The following KALRN variants were observed in gnomAD, a reference collection of about 807,000 sequenced individuals.
KALRN encodes kalirin RhoGEF kinase, also known as kalirin.
In KALRN, 70 loss-of-function variants were observed where a neutral mutation model predicts 353.7. That is an observed-to-expected ratio of 0.20 (90% CI 0.16 to 0.24). The LOEUF is 0.24. KALRN is among the 10% of genes least tolerant of loss of function. KALRN has a pLI of 1.00. For missense variants in KALRN, 2,791 were observed against 3,756.7 expected, an observed-to-expected ratio of 0.74 and a Z score of 6.72; for synonymous variants, 1,391 against 1,434.8, an observed-to-expected ratio of 0.97 and a Z score of 0.69.
At chr3:124,183,825 A>G (rs2073906442) in intron 1 of KALRN, among the ~76,000 whole-genome samples, 1 of 152,234 alleles carries the variant, frequency 6.6e-6, no homozygotes, top group South Asian at 2.1e-4. Flanking sequence ...TAAAGTGTTC[A>G]TTAATCTTGT....
At chr3:124,451,321 T>A (rs1038654710) in intron 21 of KALRN, among the ~76,000 whole-genome samples, 1 of 151,950 alleles carries the variant, frequency 6.6e-6, no homozygotes, top group Non-Finnish European at 1.5e-5. Context: ...ATAGAATTAC[T>A]GAACCCCTCT....
chr3:124,081,266 A>G (rs1475360176), intron 1 of KALRN, among the ~76,000 whole-genome samples: 1 of 152,164 alleles, frequency 6.6e-6, no homozygotes, highest in Non-Finnish European at 1.5e-5. Flanking sequence ...GTGTTTATGT[A>G]CCTCCATGCA....
intron 33 of KALRN, among the ~76,000 whole-genome samples, chr3:124,551,876 G>A (rs935386087): frequency 1.3e-5 from 2 of 152,224 alleles, no homozygotes; most frequent in African/African-American, 4.8e-5. Flanking sequence ...CAGCTGGCTG[G>A]TGAAGAAGAA....
intron 1 of KALRN, among the ~76,000 whole-genome samples, chr3:124,044,992 A>G (rs984326140): frequency 2.4e-4 from 36 of 150,820 alleles, no homozygotes; most frequent in African/African-American, 8.3e-4. Context: ...TGCAGTTACA[A>G]TTATTCCAAG....
At chr3:124,155,971 G>T (rs182337365) in intron 1 of KALRN, among the ~76,000 whole-genome samples, 5 of 152,316 alleles carry the variant, frequency 3.3e-5, no homozygotes, top group Middle Eastern at 3.4e-3. Flanking sequence ...ATTCATCTGG[G>T]TCTGGGATGC....
intron 6 of KALRN, among the ~76,000 whole-genome samples, chr3:124,312,581 A>C (rs1216477013): frequency 6.6e-6 from 1 of 152,206 alleles, no homozygotes; most frequent in Non-Finnish European, 1.5e-5. Context: ...AACCTTCCTA[A>C]ACATTAAAGG....
At chr3:124,451,541 C>A (rs1022242800) in intron 21 of KALRN, among the ~76,000 whole-genome samples, 3 of 152,074 alleles carry the variant, frequency 2.0e-5, no homozygotes, top group African/African-American at 7.2e-5. Context: ...GCAGTCTGAC[C>A]CCATTTTATT....
At chr3:124,718,500 A>C (rs184288784) in intron 59 of KALRN, among the ~76,000 whole-genome samples, 2 of 152,350 alleles carry the variant, frequency 1.3e-5, no homozygotes, top group East Asian at 3.9e-4. Context: ...AGAATATGCC[A>C]GAGCCACAAT....
chr3:124,357,452 C>A (rs1299689798), intron 10 of KALRN, among the ~76,000 whole-genome samples: 1 of 152,188 alleles, frequency 6.6e-6, no homozygotes, highest in Non-Finnish European at 1.5e-5. Context: ...TTATGACCTG[C>A]CCATTACTTT....
intron 27 of KALRN, among the ~76,000 whole-genome samples, chr3:124,481,172 T>C (rs1411296808): frequency 6.6e-6 from 1 of 152,150 alleles, no homozygotes; most frequent in Non-Finnish European, 1.5e-5. Flanking sequence ...AACATTACTT[T>C]CATCATGTGT....
intron 1 of KALRN, among the ~76,000 whole-genome samples, chr3:124,209,492 CA>C (rs5852396): frequency 0.019 from 1,310 of 69,994 alleles, 12 homozygotes; most frequent in African/African-American, 0.064. Context: ...CACTCTGTCT[CA>C]AAAAAAAAAA....
intron 1 of KALRN, among the ~76,000 whole-genome samples, chr3:124,107,479 C>T (rs979534457): frequency 2.0e-5 from 3 of 152,182 alleles, no homozygotes; most frequent in African/African-American, 4.8e-5. Context: ...GTGGTTGGAA[C>T]GCAGTTGAAA....
chr3:124,380,853 C>T (rs1282990436), intron 10 of KALRN, among the ~76,000 whole-genome samples: 1 of 152,154 alleles, frequency 6.6e-6, no homozygotes, highest in Non-Finnish European at 1.5e-5. Flanking sequence ...GAACATTGAA[C>T]ATGAATTCTA....
chr3:124,478,642 T>C (rs926172413), intron 27 of KALRN, among the ~76,000 whole-genome samples: 4 of 152,250 alleles, frequency 2.6e-5, no homozygotes, highest in Non-Finnish European at 5.9e-5. Context: ...CCTGATATTA[T>C]TGGGTATCAT....
At chr3:124,492,423 A>AG (rs1283009979) in intron 31 of KALRN, among the ~76,000 whole-genome samples, 1 of 152,162 alleles carries the variant, frequency 6.6e-6, no homozygotes, top group Non-Finnish European at 1.5e-5. Context: ...TCCCTGTCCC[A>AG]GGGGGAACTT....
intron 15 of KALRN, among the ~76,000 whole-genome samples, chr3:124,429,501 C>A (rs948296419): frequency 1.3e-5 from 2 of 152,144 alleles, no homozygotes; most frequent in African/African-American, 4.8e-5. Context: ...TTCAGAATAG[C>A]TTTTATTTCT....
chr3:124,093,961 A>G (rs2061274099), intron 1 of KALRN: 1 of 152,214 alleles, frequency 6.6e-6, no homozygotes, highest in Non-Finnish European at 1.5e-5. Flanking sequence ...TGTGTGGGGA[A>G]CTGAGAGTCT....
intron 1 of KALRN, among the ~76,000 whole-genome samples, chr3:124,120,132 C>G (rs1408258212): frequency 6.6e-6 from 1 of 152,212 alleles, no homozygotes; most frequent in Non-Finnish European, 1.5e-5. Flanking sequence ...AAACAAAAGA[C>G]AGCAGTGTGG....
chr3:124,246,948 G>A (rs1405556990), intron 3 of KALRN, among the ~76,000 whole-genome samples: 1 of 152,106 alleles, frequency 6.6e-6, no homozygotes, highest in African/African-American at 2.4e-5. Context: ...TTCAGTTATG[G>A]GGATCCAGAT....
Sources: allele counts gnomAD v4.1 joint callset (sites outside exome capture counted in the v4.1 genomes callset), GRCh38; gene constraint gnomAD v4.1.1; transcripts MANE v1.5; gene names NCBI Gene and HGNC (gene_info 2026-07-23, HGNC 2026-07-21).